ARHGAP19: variants seen among roughly 807,000 people sequenced by gnomAD.
ARHGAP19 encodes the protein rho GTPase-activating protein 19.
In ARHGAP19, 48 loss-of-function variants were observed where a neutral mutation model predicts 60.9. That is an observed-to-expected ratio of 0.79 (90% CI 0.62 to 1.00). The LOEUF is 1.00. Among genes scored for constraint, ARHGAP19 ranks in the 50% least tolerant of loss-of-function variants. The pLI is 0.00. For synonymous variants in ARHGAP19, 209 were observed against 215.5 expected (o/e 0.97, Z 0.27); for missense variants, 562 against 597.2 (o/e 0.94, Z 0.61).
At chr10:97,282,020 G>A (rs1002988904) in intron 1 of ARHGAP19, among the ~76,000 whole-genome samples, 1 of 152,134 alleles carries the variant, frequency 6.6e-6, no homozygotes, top group African/African-American at 2.4e-5. Context: ...TGCTGCTTTT[G>A]AATTCCCAAT....
intron 1 of ARHGAP19, among the ~76,000 whole-genome samples, chr10:97,283,422 C>T (rs868504369): frequency 2.6e-5 from 4 of 151,830 alleles, no homozygotes; most frequent in African/African-American, 7.3e-5. Flanking sequence ...AGCATGGTGG[C>T]GCATGCCTGT....
At chr10:97,227,537 G>T (rs150965243) in intron 11 of ARHGAP19, among the ~76,000 whole-genome samples, 185 of 152,278 alleles carry the variant, frequency 1.2e-3, no homozygotes, top group African/African-American at 4.1e-3. Flanking sequence ...ATAAGGAAAA[G>T]AATTAAAGAG....
intron 1 of ARHGAP19, chr10:97,274,978 G>A (rs953122372): frequency 8.5e-5 from 13 of 152,226 alleles, no homozygotes; most frequent in East Asian, 1.9e-4. Flanking sequence ...ACACCACATC[G>A]GGGCTCTCCT....
intron 1 of ARHGAP19, among the ~76,000 whole-genome samples, chr10:97,282,924 C>T (rs1044123102): frequency 6.7e-6 from 1 of 150,098 alleles, no homozygotes; most frequent in Non-Finnish European, 1.5e-5. Flanking sequence ...CTTACTGCAA[C>T]CTCCACCTCC....
At chr10:97,262,558 G>C (rs1038564759) in intron 4 of ARHGAP19, among the ~76,000 whole-genome samples, 2 of 152,062 alleles carry the variant, frequency 1.3e-5, no homozygotes, top group African/African-American at 4.8e-5. Context: ...CCAGCTACTC[G>C]GGAGGCTGAG....
intron 9 of ARHGAP19, among the ~76,000 whole-genome samples, chr10:97,234,227 A>AT (rs1253894050): frequency 1.3e-5 from 2 of 151,914 alleles, no homozygotes; most frequent in Admixed American, 1.3e-4. Context: ...AGACCATGTT[A>AT]TTGCACTCCA....
intron 1 of ARHGAP19, among the ~76,000 whole-genome samples, chr10:97,280,253 A>G (rs1288276014): frequency 6.6e-6 from 1 of 152,022 alleles, no homozygotes; most frequent in Non-Finnish European, 1.5e-5. Flanking sequence ...CTAAAAATAC[A>G]AAAGAATTAG....
chr10:97,256,572 T>C (rs1842755275), intron 5 of ARHGAP19, 168 bp from the exon 6 acceptor site: 2 of 531,382 alleles, frequency 3.8e-6, no homozygotes, highest in Non-Finnish European at 6.6e-6. Context: ...TATGACATAA[T>C]CTAGAAAAAC....
rs554457360 is a variant in ARHGAP19 at position 97,249,237 on chromosome 10, G to A, written c.928-2900C>T. 3.3e-5 allele frequency among the ~76,000 whole-genome samples: 5 copies of A among 152,128 alleles called. No individual in the cohort carries two copies. The East Asian group carries it at 5.8e-4, about 18-fold the overall frequency. ...AATAGATTCCAGCAGGATTATCAAC[G>A]GATGCTAAAACCATTATTAGGTAAT... On this transcript the variant is annotated intron_variant, in intron 6 of 11. Transcript: ENST00000358531.
At chr10:97,284,078 T>C (rs1181835917) in intron 1 of ARHGAP19, among the ~76,000 whole-genome samples, 2 of 151,980 alleles carry the variant, frequency 1.3e-5, no homozygotes, top group Non-Finnish European at 2.9e-5. Flanking sequence ...GGACTACAGG[T>C]GCACACCACC....
At chr10:97,271,874 T>G (rs140678534) in intron 1 of ARHGAP19, among the ~76,000 whole-genome samples, 32 of 152,012 alleles carry the variant, frequency 2.1e-4, no homozygotes, top group African/African-American at 7.5e-4. Context: ...TGTGCCTCTA[T>G]TGATGATCAT....
chr10:97,231,483 C>A (rs975526735), intron 9 of ARHGAP19, among the ~76,000 whole-genome samples: 13 of 152,146 alleles, frequency 8.5e-5, no homozygotes, highest in African/African-American at 3.1e-4. Flanking sequence ...ACTCTTAGCT[C>A]CCCTGACAAC....
At chr10:97,279,332 C>T (rs1364994249) in intron 1 of ARHGAP19, among the ~76,000 whole-genome samples, 6 of 152,122 alleles carry the variant, frequency 3.9e-5, no homozygotes, top group Non-Finnish European at 8.8e-5. Flanking sequence ...TATTTATACC[C>T]TAAGGTCTGC....
intron 8 of ARHGAP19, among the ~76,000 whole-genome samples, chr10:97,238,084 C>T (rs1842410598): frequency 6.6e-6 from 1 of 152,058 alleles, no homozygotes; most frequent in African/African-American, 2.4e-5. Flanking sequence ...GAGATGACAG[C>T]TCCATGAGTG....
chr10:97,256,461 A>C (rs1842753877), intron 5 of ARHGAP19, 57 bp from the exon 6 acceptor site: 1 of 1,224,510 alleles, frequency 8.2e-7, no homozygotes, highest in African/African-American at 1.5e-5. Flanking sequence ...AGTAGTACTT[A>C]CCAATAAGCC....
At chr10:97,269,355 T>C (rs1316590819) in intron 1 of ARHGAP19, among the ~76,000 whole-genome samples, 1 of 152,190 alleles carries the variant, frequency 6.6e-6, no homozygotes, top group Non-Finnish European at 1.5e-5. Flanking sequence ...TGACAATGTA[T>C]TATCAGAAAT....
intron 6 of ARHGAP19, among the ~76,000 whole-genome samples, chr10:97,249,092 A>AT (rs1842605099): frequency 6.6e-6 from 1 of 152,212 alleles, no homozygotes; most frequent in Non-Finnish European, 1.5e-5. Flanking sequence ...CCATGAGTTT[A>AT]TATTAATATT....
At chr10:97,291,527 C>T (rs930411130) in intron 1 of ARHGAP19, among the ~76,000 whole-genome samples, 2 of 152,192 alleles carry the variant, frequency 1.3e-5, no homozygotes, top group Admixed American at 6.5e-5. Context: ...CTCCTGATCT[C>T]AGGTGATCCG....
intron 1 of ARHGAP19, among the ~76,000 whole-genome samples, chr10:97,287,554 C>T (rs1843172168): frequency 6.6e-6 from 1 of 151,980 alleles, no homozygotes; most frequent in Non-Finnish European, 1.5e-5. Context: ...CCCACCTGGG[C>T]AATATAGGGA....
Sources: gnomAD v4.1 joint callset for allele counts (sites outside exome capture counted in the v4.1 genomes callset) on GRCh38, gnomAD v4.1.1 for gene constraint, MANE v1.5 for transcripts, NCBI Gene and HGNC (gene_info 2026-07-23, HGNC 2026-07-21) for gene names.